The following METTL15 variants were observed in gnomAD, a reference collection of about 807,000 sequenced individuals.
METTL15 encodes the protein methyltransferase 15, mitochondrial 12S rRNA N4-cytidine.
Under a neutral mutation model 38.3 loss-of-function variants are expected in METTL15, and 34 were observed. The ratio of observed to expected loss-of-function variants is 0.89; its 90% CI spans 0.68 to 1.18. The LOEUF is 1.18. METTL15 is among the 50% of genes most tolerant of loss of function. The probability of loss-of-function intolerance (pLI) is 0.00; values close to 1 mark genes in which losing one functional copy is unlikely to be tolerated. For synonymous variants in METTL15, 162 were observed against 170.9 expected (o/e 0.95, Z 0.41); for missense variants, 438 against 498.4 (o/e 0.88, Z 1.15).
intron 6 of METTL15, among the ~76,000 whole-genome samples, chr11:28,440,068 A>G (rs916957853): frequency 2.6e-5 from 4 of 152,200 alleles, no homozygotes; most frequent in Admixed American, 1.3e-4. Context: ...GGCAATTTGC[A>G]TGAGGCAGGA....
intron 3 of METTL15, among the ~76,000 whole-genome samples, chr11:28,340,574 C>A (rs927824637): frequency 7.2e-5 from 11 of 152,224 alleles, no homozygotes; most frequent in African/African-American, 2.4e-4. Context: ...CGAAAAAAAC[C>A]TCATCATCCC....
intron 6 of METTL15, among the ~76,000 whole-genome samples, chr11:28,448,359 A>G (rs1038128209): frequency 6.6e-6 from 1 of 152,156 alleles, no homozygotes; most frequent in East Asian, 1.9e-4. Flanking sequence ...CAGCCAACAA[A>G]TATTTATTGA....
In METTL15 at chr11:28,262,348, C is replaced by CTATA. The variant is rs1331549538; in HGVS notation, c.408-27855_408-27852dup. Among the ~76,000 whole-genome samples, 3 of 150,642 alleles carry CTATA rather than the reference C, an allele frequency of 2.0e-5. No individual in the cohort carries two copies. The Admixed American group carries it at 2.0e-4, about 10-fold the overall frequency. ...ATAACTATGCATACAGATATATACA[C>CTATA]TATATAACTACAGAGATATATATGT... On this transcript the variant is annotated intron_variant, in intron 4 of 6. Transcript: ENST00000407364.
At chr11:28,250,009 A>G (rs1164488479) in intron 4 of METTL15, among the ~76,000 whole-genome samples, 1 of 152,054 alleles carries the variant, frequency 6.6e-6, no homozygotes, top group Non-Finnish European at 1.5e-5. Flanking sequence ...TTTGCTTAGG[A>G]TAATGACCTC....
chr11:28,138,297 A>G (rs1287288670), intron 3 of METTL15, among the ~76,000 whole-genome samples: 1 of 152,216 alleles, frequency 6.6e-6, no homozygotes, highest in Non-Finnish European at 1.5e-5. Context: ...AGATCCATGA[A>G]GTGTAAAACA....
chr11:28,351,764 T>C (rs1850043632), intron 3 of METTL15, among the ~76,000 whole-genome samples: 1 of 152,168 alleles, frequency 6.6e-6, no homozygotes, highest in Admixed American at 6.6e-5. Context: ...GGCAGGAAAT[T>C]TACAACTGAG....
intron 4 of METTL15, among the ~76,000 whole-genome samples, chr11:28,259,530 G>A (rs1855113350): frequency 6.6e-6 from 1 of 152,164 alleles, no homozygotes; most frequent in South Asian, 2.1e-4. Context: ...CGTTGGTGGT[G>A]AGACTTGTGC....
At chr11:28,349,715 A>G (rs1383521753) in intron 3 of METTL15, among the ~76,000 whole-genome samples, 1 of 152,206 alleles carries the variant, frequency 6.6e-6, no homozygotes, top group Non-Finnish European at 1.5e-5. Context: ...TTTAACAAGT[A>G]TATTTACCAC....
intron 5 of METTL15, among the ~76,000 whole-genome samples, chr11:28,390,146 A>C (rs924158244): frequency 1.3e-5 from 2 of 151,958 alleles, no homozygotes; most frequent in Non-Finnish European, 2.9e-5. Flanking sequence ...TCAGATGAGT[A>C]GGTTGTGAAA....
chr11:28,500,798 C>T (rs1294412509), intron 6 of METTL15, among the ~76,000 whole-genome samples: 3 of 152,216 alleles, frequency 2.0e-5, no homozygotes, highest in African/African-American at 7.2e-5. Flanking sequence ...GTTGGAATTA[C>T]AGGCGTGAGC....
At chr11:28,409,659 C>T (rs1360414813) in intron 5 of METTL15, among the ~76,000 whole-genome samples, 2 of 151,888 alleles carry the variant, frequency 1.3e-5, no homozygotes, top group Non-Finnish European at 1.5e-5. Flanking sequence ...TAGCAATACA[C>T]TCCTACATTA....
intron 4 of METTL15, among the ~76,000 whole-genome samples, chr11:28,213,749 G>A (rs369045248): frequency 4.0e-4 from 60 of 149,564 alleles, no homozygotes; most frequent in African/African-American, 1.4e-3. Flanking sequence ...TCCGCCTCCC[G>A]GGTTCACACT....
In METTL15 at chr11:28,182,218, C is replaced by T. The variant is rs1440247260; in HGVS notation, c.271-28844C>T. 2.0e-5 allele frequency among the ~76,000 whole-genome samples: 3 copies of T among 151,832 alleles called. No individual in the cohort carries two copies. In the East Asian group the frequency reaches 5.8e-4, roughly 29 times the overall value. On this transcript the variant is annotated intron_variant, in intron 3 of 6. Coordinates refer to ENST00000407364, the MANE Select transcript of METTL15 (RefSeq NM_001113528.2). ...TCCCATTCTGTAGGCTGCCTGTTCA[C>T]TCTGATAGTTTCTTTTGCTGTGCAG... is the stretch of plus-strand genomic sequence containing the variant.
chr11:28,383,330 T>G (rs533850655), intron 5 of METTL15, among the ~76,000 whole-genome samples: 1 of 152,318 alleles, frequency 6.6e-6, no homozygotes, highest in African/African-American at 2.4e-5. Context: ...TGTTCCATGT[T>G]AAATATGTAC....
At chr11:28,222,672 T>TAG (rs1275055848) in intron 4 of METTL15, among the ~76,000 whole-genome samples, 1 of 152,192 alleles carries the variant, frequency 6.6e-6, no homozygotes, top group Non-Finnish European at 1.5e-5. Flanking sequence ...ACTGGACCTG[T>TAG]TCCTATTCGG....
At chr11:28,210,390 A>T (rs555731652) in intron 3 of METTL15, among the ~76,000 whole-genome samples, 1 of 151,914 alleles carries the variant, frequency 6.6e-6, no homozygotes, top group African/African-American at 2.4e-5. Context: ...ACCGCTGAAG[A>T]CACTGGAATT....
At chr11:28,300,717 G>A (rs2134008329) in intron 6 of METTL15, among the ~76,000 whole-genome samples, 1 of 152,242 alleles carries the variant, frequency 6.6e-6, no homozygotes, top group Admixed American at 6.5e-5. Context: ...TACTGGCCGT[G>A]AATCTTAATA....
chr11:28,468,062 A>G (rs888921998), intron 6 of METTL15, among the ~76,000 whole-genome samples: 1 of 10,866 alleles, frequency 9.2e-5, no homozygotes, highest in Non-Finnish European at 1.8e-4. Context: ...CTTAAACCAC[A>G]TCTCAGCCAT....
intron 4 of METTL15, among the ~76,000 whole-genome samples, chr11:28,282,953 A>C (rs963521443): frequency 5.9e-5 from 9 of 152,300 alleles, no homozygotes; most frequent in African/African-American, 2.2e-4. Context: ...GAGAATCATG[A>C]CCATCATTAT....
Sources: allele counts gnomAD v4.1 joint callset (sites outside exome capture counted in the v4.1 genomes callset), GRCh38; gene constraint gnomAD v4.1.1; transcripts MANE v1.5; gene names NCBI Gene and HGNC (gene_info 2026-07-23, HGNC 2026-07-21).